Variants in CIDEA observed in about 807,000 individuals in gnomAD.
CIDEA encodes cell death inducing DFFA like effector a.
Under a neutral mutation model 18.2 loss-of-function variants are expected in CIDEA, and 10 were observed. The observed-to-expected ratio is 0.55, with a 90% CI of 0.34 to 0.93. CIDEA has a LOEUF of 0.93. Among genes scored for constraint, CIDEA ranks in the 40% least tolerant of loss-of-function variants. CIDEA has a pLI of 0.02. For synonymous variants in CIDEA, 128 were observed against 124.8 expected, an observed-to-expected ratio of 1.03 and a Z score of -0.17; for missense variants, 309 against 293.1, an observed-to-expected ratio of 1.05 and a Z score of -0.40.
At chr18:12,259,509 T>A (rs978977489) in intron 1 of CIDEA, among the ~76,000 whole-genome samples, 1 of 152,190 alleles carries the variant, frequency 6.6e-6, no homozygotes, top group Non-Finnish European at 1.5e-5. Context: ...AGTTTTCTCA[T>A]CCGTGAAGTG....
At chr18:12,266,071 T>A (rs951285768) in intron 3 of CIDEA, among the ~76,000 whole-genome samples, 6 of 151,682 alleles carry the variant, frequency 4.0e-5, no homozygotes, top group South Asian at 2.1e-4. Context: ...CAAAAAAAAT[T>A]TTTTTAAGGC....
At chr18:12,254,678 G>A in intron 1 of CIDEA, 3 of 1,521,706 alleles carry the variant, frequency 2.0e-6, no homozygotes, top group Non-Finnish European at 1.8e-6. Flanking sequence ...ACAGGTACCA[G>A]GTGTGGCTCT....
At chr18:12,274,047 G>C in intron 3 of CIDEA, 46 bp from the exon 4 acceptor site, 1 of 1,600,782 alleles carries the variant, frequency 6.2e-7, no homozygotes, top group Non-Finnish European at 8.5e-7. Context: ...TGACGTGGGA[G>C]GGTTAGGAAG....
Position 12,262,934 on chromosome 18 carries a change from G to A in CIDEA, c.148G>A (p.Val50Met), listed in dbSNP as rs766039376. ...CCATGACAGGAGCAGCCGGCGTGGG[G>A]TGATGGCAAGCAGCCTGCAGGAGCT... ...SNHDRSSRRG[V>M]MASSLQELIS... The change falls in exon 2 of 5, where the codon GTG becomes ATG. Residue 50 changes from valine (V) to methionine (M), a missense_variant. Transcript: ENST00000320477. 8.4e-5 allele frequency: 136 copies of A among 1,614,052 alleles called. No individual in the cohort carries two copies. Among genetic ancestry groups the A allele is most frequent in the Non-Finnish European group, 1.1e-4 (134 of 1,180,046 alleles).
intron 4 of CIDEA, among the ~76,000 whole-genome samples, chr18:12,275,453 C>G (rs903863800): frequency 1.3e-5 from 2 of 152,242 alleles, no homozygotes; most frequent in Non-Finnish European, 2.9e-5. Context: ...AGTAAATTTA[C>G]CGTTGATCCT....
chr18:12,256,631 C>T (rs1276505847), intron 1 of CIDEA, among the ~76,000 whole-genome samples: 5 of 152,194 alleles, frequency 3.3e-5, no homozygotes, highest in Admixed American at 1.3e-4. Flanking sequence ...TTATAAGCTT[C>T]GTGTGAAATG....
chr18:12,277,038 G>T lies in CIDEA; in HGVS notation c.513-85G>T, dbSNP rs1029453164. On this transcript the variant is annotated intron_variant, in intron 4 of 4. Coordinates refer to ENST00000320477, the MANE Select transcript of CIDEA (RefSeq NM_001279.4). ...TGGCCTCCTCCGAGTGCCTTTTGGTGGGGGGAGTGAAGTATTCCCATCCTG... is the reference window on the plus strand; with the variant it reads ...TGGCCTCCTCCGAGTGCCTTTTGGTTGGGGGAGTGAAGTATTCCCATCCTG... 14 of 1,475,606 alleles carry T rather than the reference G, an allele frequency of 9.5e-6. No individual in the cohort carries two copies. The Admixed American group carries it at 1.2e-4, about 13-fold the overall frequency. 91.4% of individuals were successfully genotyped at this position (1,475,606 alleles called of 1,614,324 possible). A position where few individuals can be genotyped will look rare whatever the true frequency, so the allele number is the denominator to read the frequency against.
intron 3 of CIDEA, among the ~76,000 whole-genome samples, chr18:12,268,679 G>A (rs1034544979): frequency 6.6e-6 from 1 of 152,158 alleles, no homozygotes; most frequent in Non-Finnish European, 1.5e-5. Context: ...TGGGATTACA[G>A]GCGTGAGCCA....
chr18:12,264,400 T>C lies in CIDEA; in HGVS notation c.277T>C (p.Leu93=). The stretch of plus-strand genomic sequence containing the variant: ...GGACACAGAAGAGTTCTTTCAGACC[T>C]TGGGAGACAACACGCATTTCATGAT... The part of the protein sequence containing the change: ...VVDTEEFFQT[L]GDNTHFMILE... Residue 93 remains leucine, a synonymous_variant, in exon 3 of 5, where the codon TTG becomes CTG. Coordinates refer to ENST00000320477, the MANE Select transcript of CIDEA (RefSeq NM_001279.4). 1.2e-6 allele frequency: 2 copies of C among 1,614,054 alleles called. No homozygotes were observed. The highest frequency in any genetic ancestry group is 2.2e-5 in the South Asian group (2 of 91,066).
chr18:12,258,169 A>G (rs1396133680), intron 1 of CIDEA, among the ~76,000 whole-genome samples: 1 of 152,162 alleles, frequency 6.6e-6, no homozygotes, highest in African/African-American at 2.4e-5. Flanking sequence ...AGGTGAGAAC[A>G]ATAGGTGTTT....
At position 12,277,162 on chromosome 18, in the gene CIDEA, G is replaced by T. The variant is rs138099265; in HGVS notation, c.552G>T (p.Thr184=). The T allele has an allele frequency of 4.3e-6, 7 of 1,614,046 alleles. No homozygotes were observed. In the African/African-American group the frequency reaches 5.3e-5, roughly 12 times the overall value. The part of the protein sequence containing the change: ...LRFLSYSAQV[T]GQFLIYLGTY... ...TCCTGTCCTACTCCGCCCAGGTGAC[G>T]GGACAGTTTCTCATCTATCTGGGCA... The change falls in exon 5 of 5, where the codon ACG becomes ACT. Residue 184 remains threonine (T), a synonymous_variant. Coordinates refer to ENST00000320477, the MANE Select transcript of CIDEA (RefSeq NM_001279.4).
rs147061481 is a variant in CIDEA, at chr18:12,261,199, A to G, written c.39-1626A>G. Among the ~76,000 whole-genome samples, 51 of 152,306 alleles carry G rather than the reference A, an allele frequency of 3.3e-4. No homozygotes were observed. The East Asian group carries it at 9.7e-3, about 29-fold the overall frequency. On this transcript the variant is annotated intron_variant, in intron 1 of 4. Coordinates refer to ENST00000320477, the MANE Select transcript of CIDEA (RefSeq NM_001279.4). ...GGAGTTTGAAACCAGCTTGGCCATCATGGTGAAACTCAGTCTCTACTAAAT... is the reference window on the plus strand; with the variant it reads ...GGAGTTTGAAACCAGCTTGGCCATCGTGGTGAAACTCAGTCTCTACTAAAT...
chr18:12,260,012 G>T (rs956078418), intron 1 of CIDEA, among the ~76,000 whole-genome samples: 5 of 152,188 alleles, frequency 3.3e-5, no homozygotes, highest in African/African-American at 1.2e-4. Context: ...CAATGACCTT[G>T]GTCTGGTTCT....
At chr18:12,276,952 T>C (rs1485852942) in intron 4 of CIDEA, among the ~76,000 whole-genome samples, 171 bp from the exon 5 acceptor site, 2 of 152,232 alleles carry the variant, frequency 1.3e-5, no homozygotes, top group African/African-American at 4.8e-5. Context: ...CAGCTGCATC[T>C]GTGCCAGCCC....
chr18:12,261,663 A>C (rs771462480), intron 1 of CIDEA, among the ~76,000 whole-genome samples: 1 of 152,014 alleles, frequency 6.6e-6, no homozygotes, highest in African/African-American at 2.4e-5. Flanking sequence ...TTCTAGGTTC[A>C]TCCGGGCTCA....
rs768222185 is a variant in CIDEA at position 12,254,474 on chromosome 18, C to T, written c.38+53C>T. ...CGTGCGCTTCCAATCGCCTTGCGTT[C>T]GGTGGCCTCATATTCCCCTGTGCGC... is the stretch of plus-strand genomic sequence containing the variant. On this transcript the variant is annotated intron_variant, in intron 1 of 4. Transcript: ENST00000320477. 31 of 1,580,390 alleles carry T rather than the reference C, an allele frequency of 2.0e-5. 1 individual carries two copies. In the South Asian group the frequency reaches 2.9e-4, roughly 15 times the overall value.
chr18:12,264,631 G>A (rs1912295976), intron 3 of CIDEA, among the ~76,000 whole-genome samples, 178 bp downstream of exon 3: 3 of 151,772 alleles, frequency 2.0e-5, no homozygotes, highest in Admixed American at 2.0e-4. Flanking sequence ...TCGGCTCACT[G>A]CAAGCTCCGC....
Position 12,277,466 on chromosome 18 carries a change from G to C in CIDEA, c.*196G>C. ...GGCAGTGGGCAGGGTGCCCTGGGGG[G>C]GAGGCATAGAGGGCCCTGGGGGTCA... On this transcript the variant is annotated 3_prime_UTR_variant, in exon 5 of 5. Transcript: ENST00000320477. The C allele has an allele frequency of 1.6e-6, 1 of 629,774 alleles. No homozygotes were observed. The highest frequency in any genetic ancestry group is 2.0e-5 in the South Asian group (1 of 49,662). 39.0% of individuals were successfully genotyped at this position (629,774 alleles called of 1,614,324 possible).
chr18:12,271,971 C>CT (rs1912546666), intron 3 of CIDEA, among the ~76,000 whole-genome samples: 1 of 152,100 alleles, frequency 6.6e-6, no homozygotes, highest in African/African-American at 2.4e-5. Context: ...AAAATTAAAA[C>CT]TTTCAAAAGT....
Sources: gnomAD v4.1 joint callset for allele counts (sites outside exome capture counted in the v4.1 genomes callset) on GRCh38, gnomAD v4.1.1 for gene constraint, MANE v1.5 for transcripts, NCBI Gene and HGNC (gene_info 2026-07-23, HGNC 2026-07-21) for gene names.